Variants in RWDD4 observed in about 807,000 individuals in gnomAD.
RWDD4 encodes RWD domain-containing protein 4.
In RWDD4, 16 loss-of-function variants were observed where a neutral mutation model predicts 30.0. The ratio of observed to expected loss-of-function variants is 0.53; its 90% CI spans 0.36 to 0.81. RWDD4 has a LOEUF of 0.81. Ranked by LOEUF, RWDD4 falls within the 30% of genes least tolerant of loss-of-function variation. The probability of loss-of-function intolerance (pLI) is 0.00; values close to 1 mark genes in which losing one functional copy is unlikely to be tolerated. For missense variants in RWDD4, 170 were observed against 223.9 expected (o/e 0.76, Z 1.54); for synonymous variants, 45 against 72.1 (o/e 0.62, Z 1.90).
chr4:183,649,734 G>A (rs945296072), intron 4 of RWDD4, among the ~76,000 whole-genome samples, 166 bp from the exon 5 acceptor site: 1 of 152,012 alleles, frequency 6.6e-6, no homozygotes, highest in Non-Finnish European at 1.5e-5. Context: ...CACATTATTG[G>A]TTTTACTCTT....
At chr4:183,651,367 A>T in intron 2 of RWDD4, 40 bp from the exon 3 acceptor site, 1 of 1,413,324 alleles carries the variant, frequency 7.1e-7, no homozygotes, top group Non-Finnish European at 9.9e-7. Flanking sequence ...AAAAGGTGAT[A>T]AAAAGACAGA....
chr4:183,645,673 G>A (rs1733953990), intron 7 of RWDD4, among the ~76,000 whole-genome samples: 1 of 152,070 alleles, frequency 6.6e-6, no homozygotes, highest in South Asian at 2.1e-4. Flanking sequence ...GGAGGCTGAG[G>A]ATCACTTAAG....
intron 5 of RWDD4, among the ~76,000 whole-genome samples, chr4:183,648,254 A>AG (rs1734002768): frequency 6.6e-6 from 1 of 150,522 alleles, no homozygotes; most frequent in African/African-American, 2.5e-5. Flanking sequence ...AAAAGAAAAA[A>AG]AAAAAAAAAG....
intron 7 of RWDD4, among the ~76,000 whole-genome samples, chr4:183,644,469 A>G (rs1182385295): frequency 6.6e-6 from 1 of 152,254 alleles, no homozygotes; most frequent in Non-Finnish European, 1.5e-5. Flanking sequence ...AGCTGGCTTT[A>G]AAATAAAGTT....
chr4:183,658,268 A>G (rs34439779), intron 1 of RWDD4, among the ~76,000 whole-genome samples: 9,965 of 152,302 alleles, frequency 0.065, 442 homozygotes, highest in Middle Eastern at 0.14. Flanking sequence ...CTTACTGTGC[A>G]GCCCTGCGGC....
intron 1 of RWDD4, 105 bp downstream of exon 1, chr4:183,658,824 C>T (rs1365020980): frequency 3.8e-6 from 4 of 1,060,016 alleles, no homozygotes; most frequent in Non-Finnish European, 4.8e-6. Flanking sequence ...GCTCCGAGGG[C>T]ACAGGGCACG....
Position 183,648,206 on chromosome 4 carries a change from C to T in RWDD4, c.481+1245G>A, listed in dbSNP as rs542603368. ...TTGCAGTGATCGCGCCACTGCACTC[C>T]AGCCTGGGCAACAGAGCGAGACTCC... is the stretch of plus-strand genomic sequence containing the variant. On this transcript the variant is annotated intron_variant, in intron 5 of 7. Coordinates refer to ENST00000326397, the MANE Select transcript of RWDD4 (RefSeq NM_152682.4). Among the ~76,000 whole-genome samples the T allele has an allele frequency of 3.4e-5, 5 of 147,714 alleles. No homozygotes were observed. In the East Asian group the frequency reaches 1.0e-3, roughly 30 times the overall value.
intron 5 of RWDD4, among the ~76,000 whole-genome samples, 170 bp from the exon 6 acceptor site, chr4:183,646,707 T>C (rs1008043354): frequency 6.6e-6 from 1 of 152,224 alleles, no homozygotes; most frequent in South Asian, 2.1e-4. Flanking sequence ...CTCCTAGGAA[T>C]ACTTGCAAAA....
At chr4:183,657,536 C>A (rs1473336691) in intron 1 of RWDD4, among the ~76,000 whole-genome samples, 1 of 152,154 alleles carries the variant, frequency 6.6e-6, no homozygotes, top group Non-Finnish European at 1.5e-5. Context: ...GAACTTGTAT[C>A]AATACTCAGA....
intron 1 of RWDD4, among the ~76,000 whole-genome samples, chr4:183,657,151 A>G (rs765415423): frequency 1.8e-4 from 28 of 152,258 alleles, no homozygotes; most frequent in Non-Finnish European, 3.4e-4. Context: ...CTTCTTAGAT[A>G]GGGAAACTTG....
At chr4:183,652,557 C>A (rs907196483) in intron 2 of RWDD4, among the ~76,000 whole-genome samples, 10 of 151,852 alleles carry the variant, frequency 6.6e-5, no homozygotes, top group East Asian at 1.9e-4. Context: ...CATGTCTGTA[C>A]TCTCAGCACT....
intron 1 of RWDD4, among the ~76,000 whole-genome samples, chr4:183,657,104 C>T (rs1027053019): frequency 6.6e-6 from 1 of 152,126 alleles, no homozygotes; most frequent in Non-Finnish European, 1.5e-5. Context: ...GGAGTAGACC[C>T]TAAGACCTAG....
At position 183,641,107 on chromosome 4, in the gene RWDD4, A is replaced by T. The variant is rs1302308095; in HGVS notation, c.*329T>A. 4 of 326,240 alleles carry T rather than the reference A, an allele frequency of 1.2e-5. No individual in the cohort carries two copies. Among genetic ancestry groups the T allele is most frequent in the Non-Finnish European group, 2.2e-5 (4 of 177,830 alleles). The allele number at this position is 326,240 out of a possible 1,614,324, so 20.2% of individuals were successfully genotyped here. A position where few individuals can be genotyped will look rare whatever the true frequency, so the allele number is the denominator to read the frequency against. On this transcript the variant is annotated 3_prime_UTR_variant, in exon 8 of 8. Transcript: ENST00000326397. The stretch of plus-strand genomic sequence containing the variant: ...TTTGAAAAGGGCTTCATACTCCTTT[A>T]AGAAAATAGCACATCCACCAGGATA...
At chr4:183,646,084 A>G (rs2111233445) in intron 7 of RWDD4, among the ~76,000 whole-genome samples, 1 of 152,230 alleles carries the variant, frequency 6.6e-6, no homozygotes, top group Middle Eastern at 3.4e-3. Flanking sequence ...TTGTATTTTT[A>G]GTATAGACAG....
At chr4:183,650,892 A>G in intron 4 of RWDD4, 92 bp downstream of exon 4, 2 of 1,308,156 alleles carry the variant, frequency 1.5e-6, no homozygotes, top group Non-Finnish European at 2.1e-6. Context: ...TCTTCTTCCG[A>G]TTTTGAATAT....
intron 7 of RWDD4, among the ~76,000 whole-genome samples, chr4:183,643,088 AAAT>A (rs1733894046): frequency 1.5e-5 from 2 of 131,714 alleles, no homozygotes; most frequent in African/African-American, 5.8e-5. Context: ...ATAAATAAAT[AAAT>A]AAATAAATAA....
chr4:183,656,406 T>G (rs1348274184), intron 1 of RWDD4, among the ~76,000 whole-genome samples: 1 of 152,128 alleles, frequency 6.6e-6, no homozygotes, highest in Non-Finnish European at 1.5e-5. Context: ...TTATATGTAA[T>G]CCTTCCCACA....
chr4:183,641,521 A>C, intron 7 of RWDD4, 53 bp from the exon 8 acceptor site: 1 of 1,373,894 alleles, frequency 7.3e-7, no homozygotes, highest in Non-Finnish European at 1.0e-6. Flanking sequence ...TGAGTTCACT[A>C]TTTCCATGGA....
intron 2 of RWDD4, among the ~76,000 whole-genome samples, chr4:183,655,631 G>A (rs73002727): frequency 0.072 from 10,978 of 152,092 alleles, 1,328 homozygotes; most frequent in African/African-American, 0.25. Context: ...AATTTTTAAG[G>A]TTTTTTCCAT....
Sources: gnomAD v4.1 joint callset for allele counts (sites outside exome capture counted in the v4.1 genomes callset) on GRCh38, gnomAD v4.1.1 for gene constraint, MANE v1.5 for transcripts, NCBI Gene and HGNC (gene_info 2026-07-23, HGNC 2026-07-21) for gene names.